The following FRMD6 variants were observed in gnomAD, a reference collection of about 807,000 sequenced individuals.
FRMD6 encodes the protein FERM domain containing 6, also known as FERM domain-containing protein 6.
In FRMD6, 37 loss-of-function variants were observed where a neutral mutation model predicts 73.2. The observed-to-expected ratio is 0.51, with a 90% CI of 0.39 to 0.66. The LOEUF is 0.66. FRMD6 is among the 30% of genes least tolerant of loss of function. The pLI, the probability that FRMD6 is intolerant of heterozygous loss-of-function variation, is 0.00. For missense variants in FRMD6, 714 were observed against 780.5 expected (o/e 0.91, Z 1.02); for synonymous variants, 273 against 282.2 (o/e 0.97, Z 0.33).
chr14:51,465,929 T>TTG, the FRMD6 span, among the ~76,000 whole-genome samples: 8 of 152,352 alleles, frequency 5.3e-5, no homozygotes, highest in Non-Finnish European at 7.3e-5. Context: ...CAGCAGTACA[T>TTG]GAGAGTTCCA....
the FRMD6 span, among the ~76,000 whole-genome samples, chr14:51,424,923 C>T: frequency 6.6e-6 from 1 of 152,214 alleles, no homozygotes; most frequent in East Asian, 1.9e-4. Flanking sequence ...GCTCTAGTCA[C>T]TCACAAGAGG....
At chr14:51,589,755 G>A (rs573717627) in intron 2 of FRMD6, among the ~76,000 whole-genome samples, 17 of 152,310 alleles carry the variant, frequency 1.1e-4, no homozygotes, top group Admixed American at 4.6e-4. Context: ...ACACAAGTTA[G>A]TCCAGATATC....
intron 1 of FRMD6, chr14:51,491,308 C>T (rs779930937): frequency 6.6e-6 from 1 of 152,308 alleles, no homozygotes; most frequent in Admixed American, 6.5e-5. Context: ...ACATGCGCTT[C>T]CTTTTCACTG....
chr14:51,611,715 A>G (rs902494895), intron 2 of FRMD6, among the ~76,000 whole-genome samples: 1 of 152,238 alleles, frequency 6.6e-6, no homozygotes, highest in Non-Finnish European at 1.5e-5. Context: ...TTGGATACGC[A>G]TAGCACTAGA....
chr14:51,425,357 C>A, the FRMD6 span, among the ~76,000 whole-genome samples: 1 of 152,126 alleles, frequency 6.6e-6, no homozygotes, highest in Non-Finnish European at 1.5e-5. Flanking sequence ...CCCCAGGATT[C>A]TATTTGTATG....
intron 2 of FRMD6, among the ~76,000 whole-genome samples, chr14:51,633,652 C>T (rs568129542): frequency 1.8e-3 from 239 of 133,610 alleles, no homozygotes; most frequent in African/African-American, 6.3e-3. Context: ...TTTAAGGTAA[C>T]CATAAAATTG....
At chr14:51,413,315 C>A in the FRMD6 span, among the ~76,000 whole-genome samples, 2 of 152,210 alleles carry the variant, frequency 1.3e-5, no homozygotes, top group Non-Finnish European at 2.9e-5. Flanking sequence ...CCCCTGCTCC[C>A]AAACCCACGG....
chr14:51,458,004 ATTGT>A, the FRMD6 span, among the ~76,000 whole-genome samples: 3 of 152,210 alleles, frequency 2.0e-5, no homozygotes, highest in South Asian at 6.2e-4. Context: ...TTCTGACATG[ATTGT>A]TTGTTTATTA....
chr14:51,545,468 ATG>A (rs2139397197), intron 1 of FRMD6, among the ~76,000 whole-genome samples: 1 of 152,204 alleles, frequency 6.6e-6, no homozygotes, highest in South Asian at 2.1e-4. Context: ...CAAAGAGCTG[ATG>A]TTAAATATGC....
intron 1 of FRMD6, among the ~76,000 whole-genome samples, chr14:51,569,886 G>A (rs1184662922): frequency 6.6e-6 from 1 of 151,714 alleles, no homozygotes; most frequent in Non-Finnish European, 1.5e-5. Context: ...CGCGATCTCG[G>A]CTCACTGCAA....
the FRMD6 span, among the ~76,000 whole-genome samples, chr14:51,475,128 G>C: frequency 6.6e-6 from 1 of 152,140 alleles, no homozygotes; most frequent in Non-Finnish European, 1.5e-5. Flanking sequence ...CTCTTAGATG[G>C]TGTCAGAATA....
At chr14:51,511,378 A>G (rs1265372892) in intron 1 of FRMD6, among the ~76,000 whole-genome samples, 2 of 152,248 alleles carry the variant, frequency 1.3e-5, no homozygotes, top group African/African-American at 4.8e-5. Context: ...AGCTTTGATC[A>G]TGAAAATTAT....
chr14:51,427,195 C>A, the FRMD6 span, among the ~76,000 whole-genome samples: 1 of 152,186 alleles, frequency 6.6e-6, no homozygotes, highest in African/African-American at 2.4e-5. Flanking sequence ...CTAGTTCCAA[C>A]TGTGGGGAAG....
the FRMD6 span, among the ~76,000 whole-genome samples, chr14:51,465,514 CTAAA>C: frequency 1.3e-5 from 2 of 152,074 alleles, no homozygotes; most frequent in Non-Finnish European, 2.9e-5. Context: ...TTATAGAATT[CTAAA>C]TAAGTAGAAT....
At chr14:51,448,463 C>T in the FRMD6 span, among the ~76,000 whole-genome samples, 8 of 152,228 alleles carry the variant, frequency 5.3e-5, no homozygotes, top group Non-Finnish European at 1.2e-4. Flanking sequence ...ATGACTAGTA[C>T]ACAGCCGGTG....
At chr14:51,541,586 G>A (rs539444949) in intron 1 of FRMD6, among the ~76,000 whole-genome samples, 2 of 152,198 alleles carry the variant, frequency 1.3e-5, no homozygotes, top group East Asian at 3.9e-4. Flanking sequence ...GATCTTGGCT[G>A]TGTACGGATG....
intron 1 of FRMD6, among the ~76,000 whole-genome samples, chr14:51,500,975 G>A (rs1883589976): frequency 6.6e-6 from 1 of 152,168 alleles, no homozygotes; most frequent in Non-Finnish European, 1.5e-5. Flanking sequence ...ATAGTTATGG[G>A]AAACTTGCCA....
rs998652228 is a variant in FRMD6, at chr14:51,729,488, A to T, written c.*1459A>T. ...AGTTCACACTTCAGGAGAGAACTTC[A>T]TAGCACAATGTCTTTCTATAAGATA... On this transcript the variant is annotated 3_prime_UTR_variant, in exon 14 of 14. Transcript: ENST00000344768. The T allele has an allele frequency of 9.2e-5, 14 of 152,688 alleles. No individual in the cohort carries two copies. Among genetic ancestry groups the T allele is most frequent in the African/African-American group, 3.1e-4 (13 of 41,468 alleles). 9.5% of individuals were successfully genotyped at this position (152,688 alleles called of 1,614,324 possible).
chr14:51,717,844 G>T (rs1897319455), intron 10 of FRMD6, among the ~76,000 whole-genome samples: 2 of 152,166 alleles, frequency 1.3e-5, no homozygotes, highest in Admixed American at 1.3e-4. Context: ...TGATCACAAG[G>T]ATTTTTCCAT....
Sources: gnomAD v4.1 joint callset for allele counts (sites outside exome capture counted in the v4.1 genomes callset) on GRCh38, gnomAD v4.1.1 for gene constraint, MANE v1.5 for transcripts, NCBI Gene and HGNC (gene_info 2026-07-23, HGNC 2026-07-21) for gene names.